Variants in PPP3CC observed in about 807,000 individuals in gnomAD.
The protein encoded by PPP3CC is serine/threonine-protein phosphatase 2B catalytic subunit gamma isoform.
In PPP3CC, 35 loss-of-function variants were observed where a neutral mutation model predicts 60.3. The ratio of observed to expected loss-of-function variants is 0.58; its 90% CI spans 0.44 to 0.77. PPP3CC has a LOEUF of 0.77. PPP3CC is among the 30% of genes least tolerant of loss of function. The pLI, the probability that PPP3CC is intolerant of heterozygous loss-of-function variation, is 0.00. For synonymous variants in PPP3CC, 206 were observed against 224.3 expected (o/e 0.92, Z 0.73); for missense variants, 570 against 628.9 (o/e 0.91, Z 1.00).
chr8:22,448,891 T>C (rs1836919908), intron 1 of PPP3CC, among the ~76,000 whole-genome samples: 1 of 152,150 alleles, frequency 6.6e-6, no homozygotes, highest in African/African-American at 2.4e-5. Flanking sequence ...GGTAAGAGCA[T>C]ATGGGTGTTC....
chr8:22,444,460 G>A (rs1419135045), intron 1 of PPP3CC, among the ~76,000 whole-genome samples: 1 of 152,160 alleles, frequency 6.6e-6, no homozygotes. Context: ...ATATCAGAAA[G>A]TATGTGAAAT....
At chr8:22,483,926 G>A (rs1838146802) in intron 3 of PPP3CC, among the ~76,000 whole-genome samples, 1 of 151,986 alleles carries the variant, frequency 6.6e-6, no homozygotes, top group South Asian at 2.1e-4. Flanking sequence ...CTATAACCCT[G>A]AACTCCTGGG....
chr8:22,469,204 A>G (rs4872504), intron 1 of PPP3CC, among the ~76,000 whole-genome samples: 84,695 of 151,968 alleles, frequency 0.56, 25,002 homozygotes, highest in African/African-American at 0.76. Context: ...GATGGAACTG[A>G]AGGTCATTAT....
chr8:22,487,948 T>C (rs774426423), intron 3 of PPP3CC, among the ~76,000 whole-genome samples: 6 of 152,204 alleles, frequency 3.9e-5, no homozygotes, highest in Non-Finnish European at 5.9e-5. Context: ...ATCATGACCT[T>C]GTAATTGAAT....
At chr8:22,445,412 T>C (rs540739347) in intron 1 of PPP3CC, among the ~76,000 whole-genome samples, 9 of 152,294 alleles carry the variant, frequency 5.9e-5, no homozygotes, top group East Asian at 3.9e-4. Context: ...CTGCTACTTA[T>C]ACAATTTGAA....
At position 22,513,988 on chromosome 8, in the gene PPP3CC, A is replaced by G. The variant is rs184190264; in HGVS notation, c.770+556A>G. 3.2e-3 allele frequency among the ~76,000 whole-genome samples: 485 copies of G among 152,268 alleles called. 3 individuals are homozygous for G. The highest frequency in any genetic ancestry group is 0.011 in the African/African-American group (457 of 41,558). Reference sequence around the variant, plus strand: ...AGGCAGGGCGTGGTGGCTCACGCCTATAATCCCAGCTCTTTGGGGTGCCTA... The same window carrying G: ...AGGCAGGGCGTGGTGGCTCACGCCTGTAATCCCAGCTCTTTGGGGTGCCTA... On this transcript the variant is annotated intron_variant, in intron 6 of 13. Coordinates refer to ENST00000240139, the MANE Select transcript of PPP3CC (RefSeq NM_005605.5).
chr8:22,513,442 T>C lies in PPP3CC; in HGVS notation c.770+10T>C. On this transcript the variant is annotated intron_variant, in intron 6 of 13. Transcript: ENST00000240139. ...GCTCTTATTTCTACAGGTAAGCTAG[T>C]CCTTGAGGTCGAAAATTATGAAAGG... The C allele has an allele frequency of 6.4e-7, 1 of 1,566,756 alleles. No individual in the cohort carries two copies. The highest frequency in any genetic ancestry group is 8.6e-7 in the Non-Finnish European group (1 of 1,162,966).
intron 6 of PPP3CC, among the ~76,000 whole-genome samples, 190 bp downstream of exon 6, chr8:22,513,622 G>T (rs1414855592): frequency 6.6e-6 from 1 of 152,122 alleles, no homozygotes; most frequent in Non-Finnish European, 1.5e-5. Context: ...ATCCTAAGAA[G>T]TGTAATACAC....
intron 8 of PPP3CC, 134 bp downstream of exon 8, chr8:22,522,883 A>G (rs1839446050): frequency 1.6e-6 from 1 of 632,196 alleles, no homozygotes. Context: ...GTCTTAGTTG[A>G]AACAAAGGCC....
At chr8:22,455,577 C>T (rs1393400338) in intron 1 of PPP3CC, among the ~76,000 whole-genome samples, 1 of 152,164 alleles carries the variant, frequency 6.6e-6, no homozygotes, top group Non-Finnish European at 1.5e-5. Flanking sequence ...TGGTGGGCTT[C>T]TCCATGGAAG....
At chr8:22,517,423 A>G (rs945318587) in intron 6 of PPP3CC, among the ~76,000 whole-genome samples, 2 of 146,216 alleles carry the variant, frequency 1.4e-5, no homozygotes, top group African/African-American at 5.1e-5. Flanking sequence ...TGGAAGGTTT[A>G]AGAAAGATTG....
chr8:22,453,594 T>C (rs1837100175), intron 1 of PPP3CC, among the ~76,000 whole-genome samples: 2 of 152,182 alleles, frequency 1.3e-5, no homozygotes, highest in Admixed American at 1.3e-4. Context: ...GTTGAAAACA[T>C]TTGCATATAA....
chr8:22,457,123 C>G (rs1305742409), intron 1 of PPP3CC, among the ~76,000 whole-genome samples: 13 of 146,832 alleles, frequency 8.9e-5, no homozygotes. Context: ...CTTCCCCTCT[C>G]TCAATATTCT....
intron 1 of PPP3CC, among the ~76,000 whole-genome samples, chr8:22,457,964 G>C (rs921398534): frequency 6.6e-6 from 1 of 152,114 alleles, no homozygotes; most frequent in African/African-American, 2.4e-5. Context: ...GGTGGCACAT[G>C]CCTGTAATCC....
At chr8:22,448,529 A>G (rs1836907256) in intron 1 of PPP3CC, among the ~76,000 whole-genome samples, 1 of 151,662 alleles carries the variant, frequency 6.6e-6, no homozygotes, top group Non-Finnish European at 1.5e-5. Flanking sequence ...ACAGGCATGC[A>G]CCACCGCACT....
chr8:22,513,501 G>T, intron 6 of PPP3CC, 69 bp downstream of exon 6: 2 of 1,454,232 alleles, frequency 1.4e-6, no homozygotes, highest in Non-Finnish European at 1.8e-6. Flanking sequence ...TGATTTTTCA[G>T]CATTTTATAT....
chr8:22,456,448 T>G (rs1331953199), intron 1 of PPP3CC, among the ~76,000 whole-genome samples: 1 of 152,056 alleles, frequency 6.6e-6, no homozygotes, highest in Non-Finnish European at 1.5e-5. Flanking sequence ...TCACAGGAGG[T>G]TGTAAATAAA....
At chr8:22,444,755 C>T (rs928682748) in intron 1 of PPP3CC, among the ~76,000 whole-genome samples, 1 of 152,154 alleles carries the variant, frequency 6.6e-6, no homozygotes, top group African/African-American at 2.4e-5. Flanking sequence ...TTTCTGTGAG[C>T]CTTTAGAGCA....
At chr8:22,532,553 A>G (rs574616755) in intron 11 of PPP3CC, among the ~76,000 whole-genome samples, 1 of 152,336 alleles carries the variant, frequency 6.6e-6, no homozygotes, top group East Asian at 1.9e-4. Context: ...CCTGTGTTCA[A>G]ATTCTGGCTC....
Sources: allele counts gnomAD v4.1 joint callset (sites outside exome capture counted in the v4.1 genomes callset), GRCh38; gene constraint gnomAD v4.1.1; transcripts MANE v1.5; gene names NCBI Gene and HGNC (gene_info 2026-07-23, HGNC 2026-07-21).